Variants in ABL2 observed in about 807,000 individuals in gnomAD.
ABL2 encodes the protein tyrosine-protein kinase ABL2.
Under a neutral mutation model 107.7 loss-of-function variants are expected in ABL2, and 49 were observed. That is an observed-to-expected ratio of 0.45 (90% CI 0.36 to 0.58). The LOEUF is 0.58. ABL2 is among the 20% of genes least tolerant of loss of function. ABL2 has a pLI of 0.00. For synonymous variants in ABL2, 549 were observed against 548.6 expected, an observed-to-expected ratio of 1.00 and a Z score of -0.01; for missense variants, 1,245 against 1,457.0, an observed-to-expected ratio of 0.85 and a Z score of 2.37.
In ABL2 at chr1:179,107,453, C is replaced by T. The variant is rs12129574; in HGVS notation, c.*265G>A. Reference sequence around the variant, plus strand: ...GCTGCATTGCCTTCCTTATGACATACACATGTTCCCTATTTTCCAGTGCAG... The same window carrying T: ...GCTGCATTGCCTTCCTTATGACATATACATGTTCCCTATTTTCCAGTGCAG... On this transcript the variant is annotated 3_prime_UTR_variant, in exon 12 of 12. Transcript: ENST00000502732. The T allele has an allele frequency of 5.1e-3, 2,552 of 495,582 alleles. 15 individuals are homozygous for T. The highest frequency in any genetic ancestry group is 7.3e-3 in the Non-Finnish European group (2,154 of 296,010). 30.7% of individuals were successfully genotyped at this position (495,582 alleles called of 1,614,324 possible).
intron 1 of ABL2, among the ~76,000 whole-genome samples, chr1:179,158,513 T>A (rs978586410): frequency 1.3e-5 from 2 of 152,132 alleles, no homozygotes; most frequent in African/African-American, 4.8e-5. Context: ...AACCAGAAAG[T>A]TTAAGGGACC....
At chr1:179,129,948 GTTTTT>G (rs11451321) in intron 3 of ABL2, among the ~76,000 whole-genome samples, 6 of 151,936 alleles carry the variant, frequency 3.9e-5, no homozygotes, top group African/African-American at 1.5e-4. Flanking sequence ...TTTTGTTTTT[GTTTTT>G]TTAAGAGACG....
intron 1 of ABL2, among the ~76,000 whole-genome samples, chr1:179,191,675 C>T (rs971052380): frequency 7.9e-5 from 12 of 152,098 alleles, no homozygotes; most frequent in African/African-American, 2.4e-4. Flanking sequence ...CCACCCACTT[C>T]GGCCTCCCAA....
intron 1 of ABL2, among the ~76,000 whole-genome samples, chr1:179,204,065 C>A (rs913864071): frequency 7.2e-5 from 11 of 152,088 alleles, no homozygotes; most frequent in Non-Finnish European, 1.3e-4. Flanking sequence ...CTCGCTCTGT[C>A]GCCCAGGCTG....
chr1:179,122,236 A>G (rs1021055240), intron 4 of ABL2, among the ~76,000 whole-genome samples: 11 of 148,704 alleles, frequency 7.4e-5, no homozygotes, highest in African/African-American at 7.4e-5. Context: ...TTTAAAGCCC[A>G]TATTTCACTG....
chr1:179,205,642 C>T (rs1360062324), intron 1 of ABL2, among the ~76,000 whole-genome samples: 2 of 152,114 alleles, frequency 1.3e-5, no homozygotes, highest in African/African-American at 2.4e-5. Context: ...GGGTAAGACC[C>T]ACCTCCTGAT....
In ABL2 at chr1:179,203,898, C is replaced by T. The variant is rs560012169; in HGVS notation, c.157+25343G>A. The stretch of plus-strand genomic sequence containing the variant: ...TTCCTTGGCTGTGTGGCCTTGCGCA[C>T]GTTATTTAACATCCCAGTAATTCAA... On this transcript the variant is annotated intron_variant, in intron 1 of 11. Coordinates refer to ENST00000502732, the MANE Select transcript of ABL2 (RefSeq NM_007314.4). Among the ~76,000 whole-genome samples the T allele has an allele frequency of 1.7e-3, 266 of 152,132 alleles. 2 individuals carry two copies. Among genetic ancestry groups the T allele is most frequent in the African/African-American group, 6.2e-3 (258 of 41,504 alleles).
At position 179,109,436 on chromosome 1, in the gene ABL2, T is replaced by C. The variant is rs1315641112; in HGVS notation, c.1831A>G (p.Ile611Val). ...CCACTAGAGGCCTGTGCACCTCTGA[T>C]GAACCCTGATGAGAAATGGCCGATC... ...NSASSLAPGF[I>V]RGAQASSGSP... Residue 611 changes from isoleucine (I) to valine (V), a missense_variant, in exon 12 of 12, where the codon ATC becomes GTC. Around this residue, in one of 3 missense-constraint regions of ABL2, gnomAD observed 761 missense variants for 766.4 expected, o/e 0.99. Coordinates refer to ENST00000502732, the MANE Select transcript of ABL2 (RefSeq NM_007314.4). 6.2e-7 allele frequency: 1 copy of C among 1,603,126 alleles called. No individual in the cohort carries two copies. Among genetic ancestry groups the C allele is most frequent in the African/African-American group, 1.3e-5 (1 of 74,130 alleles).
At chr1:179,214,878 G>A (rs1228485134) in intron 1 of ABL2, among the ~76,000 whole-genome samples, 2 of 152,124 alleles carry the variant, frequency 1.3e-5, no homozygotes, top group African/African-American at 4.8e-5. Context: ...AAAAATTGTG[G>A]GTCGGGCACA....
chr1:179,209,658 A>C (rs1372570824), intron 1 of ABL2, among the ~76,000 whole-genome samples: 2 of 152,190 alleles, frequency 1.3e-5, no homozygotes, highest in East Asian at 3.8e-4. Flanking sequence ...TGACTTCTAC[A>C]GTCTCTTCCA....
Position 179,126,619 on chromosome 1 carries a change from G to A in ABL2, c.445C>T (p.Arg149Cys), listed in dbSNP as rs375837168. 1.1e-5 allele frequency: 18 copies of A among 1,613,982 alleles called. No homozygotes were observed. Among genetic ancestry groups the A allele is most frequent in the African/African-American group, 1.3e-5 (1 of 74,896 alleles). The change falls in exon 4 of 12, where the codon CGC becomes TGC. Residue 149 changes from arginine to cysteine, a missense_variant. Physicochemically the swap from Arg to Cys is radical, Grantham distance 180. Transcript: ENST00000502732. This position sits in a 1 kb window ranked among gnomAD's most constrained non-coding sequence, Gnocchi z 4.4. ...ACCCAGCCCTGCCCATTCTTAGAGC[G>A]AACTTCACTCCACTCACCATTCTGG... ...YNQNGEWSEV[R>C]SKNGQGWVPS...
At chr1:179,116,653 G>A (rs1243968500) in intron 8 of ABL2, among the ~76,000 whole-genome samples, 2 of 151,422 alleles carry the variant, frequency 1.3e-5, no homozygotes, top group Non-Finnish European at 2.9e-5. Context: ...TGGGATTACA[G>A]GCATGCATCA....
At chr1:179,184,943 G>C (rs1660597896) in intron 1 of ABL2, among the ~76,000 whole-genome samples, 1 of 152,106 alleles carries the variant, frequency 6.6e-6, no homozygotes, top group African/African-American at 2.4e-5. Context: ...AAACTGTATG[G>C]AATCACCACC....
At chr1:179,202,715 T>C (rs1370797605) in intron 1 of ABL2, among the ~76,000 whole-genome samples, 1 of 152,156 alleles carries the variant, frequency 6.6e-6, no homozygotes. Flanking sequence ...GTAAACTTAA[T>C]ATGAGCTCAA....
chr1:179,171,461 T>C (rs975860616), intron 1 of ABL2, among the ~76,000 whole-genome samples: 2 of 152,166 alleles, frequency 1.3e-5, no homozygotes, highest in East Asian at 1.9e-4. Context: ...TTAAAAAATA[T>C]AAATAAAATT....
intron 1 of ABL2, among the ~76,000 whole-genome samples, chr1:179,157,692 G>C (rs79657632): frequency 0.06 from 9,026 of 150,120 alleles, 382 homozygotes; most frequent in South Asian, 0.083. Context: ...TTATCCAAAA[G>C]ACAAATTACA....
intron 1 of ABL2, among the ~76,000 whole-genome samples, chr1:179,202,176 T>C (rs1661713302): frequency 2.0e-5 from 3 of 152,208 alleles, no homozygotes; most frequent in Non-Finnish European, 4.4e-5. Flanking sequence ...TCTTCTATAC[T>C]GTAACAGAAT....
chr1:179,184,577 A>C (rs1357252687), intron 1 of ABL2: 1 of 558,296 alleles, frequency 1.8e-6, no homozygotes, highest in Non-Finnish European at 3.3e-6. Flanking sequence ...GAAGATGAGG[A>C]GGAGGAGGAG....
At chr1:179,171,591 T>C (rs1476912906) in intron 1 of ABL2, among the ~76,000 whole-genome samples, 1 of 152,202 alleles carries the variant, frequency 6.6e-6, no homozygotes, top group Non-Finnish European at 1.5e-5. Context: ...GGCATGATCA[T>C]GGCTTACTGC....
Sources: allele counts gnomAD v4.1 joint callset (sites outside exome capture counted in the v4.1 genomes callset), GRCh38; gene constraint gnomAD v4.1.1; regional missense constraint gnomAD v4.1.1; non-coding constraint Gnocchi (gnomAD v3.1); transcripts MANE v1.5; gene names NCBI Gene and HGNC (gene_info 2026-07-23, HGNC 2026-07-21).